The following AKAP6 variants were observed in gnomAD, a reference collection of about 807,000 sequenced individuals.
AKAP6 encodes A-kinase anchor protein 6.
Under a neutral mutation model 188.5 loss-of-function variants are expected in AKAP6, and 58 were observed. The ratio of observed to expected loss-of-function variants is 0.31; its 90% CI spans 0.25 to 0.38. The LOEUF (loss-of-function observed/expected upper bound fraction) is 0.38, where lower values mean the gene tolerates loss of function less well. Ranked by LOEUF, AKAP6 falls within the 10% of genes least tolerant of loss-of-function variation. AKAP6 has a pLI of 1.00. For synonymous variants in AKAP6, 989 were observed against 998.6 expected, an observed-to-expected ratio of 0.99 and a Z score of 0.18; for missense variants, 2,710 against 2,740.0, an observed-to-expected ratio of 0.99 and a Z score of 0.24.
intron 2 of AKAP6, among the ~76,000 whole-genome samples, chr14:32,461,518 GCAA>G (rs754819099): frequency 6.6e-6 from 1 of 151,998 alleles, no homozygotes; most frequent in Non-Finnish European, 1.5e-5. Flanking sequence ...CAAACAGAAA[GCAA>G]CAACAACATC....
At chr14:32,468,594 G>C (rs1464657329) in intron 2 of AKAP6, among the ~76,000 whole-genome samples, 2 of 152,126 alleles carry the variant, frequency 1.3e-5, no homozygotes, top group African/African-American at 4.8e-5. Flanking sequence ...CAAAGAGCCT[G>C]GCAATTTACA....
intron 1 of AKAP6, among the ~76,000 whole-genome samples, chr14:32,354,652 A>T (rs1410869278): frequency 6.6e-6 from 1 of 152,044 alleles, no homozygotes; most frequent in East Asian, 1.9e-4. Context: ...TTGATCTTGC[A>T]TTCCTTTCTT....
chr14:32,364,939 A>G (rs1031841426), intron 1 of AKAP6, among the ~76,000 whole-genome samples: 1 of 152,178 alleles, frequency 6.6e-6, no homozygotes. Flanking sequence ...ATTATAGTTA[A>G]TAATAGAATC....
intron 1 of AKAP6, among the ~76,000 whole-genome samples, chr14:32,350,121 A>C (rs918489665): frequency 2.0e-5 from 3 of 152,162 alleles, no homozygotes; most frequent in Non-Finnish European, 4.4e-5. Flanking sequence ...AGTTTAAGCC[A>C]CTCCTGAGGG....
rs141068708 is a variant in AKAP6, at chr14:32,779,078, A to G, written c.3588+5185A>G. ...GATCGGATTAGGTTTATAAAGCTCT[A>G]CTGAGTTACATGTTGCCTATGAGAA... On this transcript the variant is annotated intron_variant, in intron 12 of 13. Transcript: ENST00000280979. Among the ~76,000 whole-genome samples the G allele has an allele frequency of 5.5e-4, 84 of 152,112 alleles. No individual in the cohort carries two copies. In the East Asian group the frequency reaches 0.013, roughly 24 times the overall value.
At chr14:32,370,486 A>C (rs1481427720) in intron 1 of AKAP6, among the ~76,000 whole-genome samples, 2 of 152,238 alleles carry the variant, frequency 1.3e-5, no homozygotes, top group Non-Finnish European at 2.9e-5. Context: ...ATTCCCTACA[A>C]ACCAGAACTG....
chr14:32,420,086 C>T (rs534067924), intron 1 of AKAP6, among the ~76,000 whole-genome samples: 68 of 152,146 alleles, frequency 4.5e-4, no homozygotes, highest in Admixed American at 2.1e-3. Flanking sequence ...TTTATGTTTG[C>T]ATACAAATAG....
intron 1 of AKAP6, among the ~76,000 whole-genome samples, chr14:32,394,388 A>C (rs989299882): frequency 3.3e-5 from 5 of 152,196 alleles, no homozygotes; most frequent in Admixed American, 6.6e-5. Flanking sequence ...TAGGGAGATA[A>C]AGGTCCAAAA....
chr14:32,558,981 A>G (rs74041634), intron 4 of AKAP6, among the ~76,000 whole-genome samples: 10,973 of 152,266 alleles, frequency 0.072, 527 homozygotes, highest in African/African-American at 0.13. Flanking sequence ...TGTCTCGTAA[A>G]CTAACTACTA....
intron 7 of AKAP6, among the ~76,000 whole-genome samples, chr14:32,668,709 C>G (rs951352351): frequency 6.6e-6 from 1 of 151,898 alleles, no homozygotes; most frequent in African/African-American, 2.4e-5. Flanking sequence ...CCTTGAGAAC[C>G]TAAGGCTAGG....
intron 12 of AKAP6, among the ~76,000 whole-genome samples, chr14:32,816,331 A>C (rs563249042): frequency 6.6e-6 from 1 of 152,156 alleles, no homozygotes; most frequent in Admixed American, 6.5e-5. Context: ...TAGCTAGGAC[A>C]ACAGGCACAT....
chr14:32,477,477 A>C (rs1336473179), intron 2 of AKAP6, among the ~76,000 whole-genome samples: 1 of 152,090 alleles, frequency 6.6e-6, no homozygotes, highest in Non-Finnish European at 1.5e-5. Flanking sequence ...TGAAGAGGAA[A>C]GCTGAGATTG....
At position 32,510,423 on chromosome 14, in the gene AKAP6, TAC is replaced by T. The variant is rs1291200898; in HGVS notation, c.325-25129_325-25128del. Among the ~76,000 whole-genome samples, 76 of 94,250 alleles carry T rather than the reference TAC, an allele frequency of 8.1e-4. 1 individual carries two copies. The highest frequency in any genetic ancestry group is 4.8e-3 in the East Asian group (21 of 4,414). 61.8% of individuals were successfully genotyped at this position (94,250 alleles called of 152,430 possible). On this transcript the variant is annotated intron_variant, in intron 2 of 13. Coordinates refer to ENST00000280979, the MANE Select transcript of AKAP6 (RefSeq NM_004274.5). Reference sequence around the variant, plus strand: ...ATATATGTATATATATGTATATATATACATATATATATGTGTATATATATATA... The same window carrying T: ...ATATATGTATATATATGTATATATATATATATATATGTGTATATATATATA...
intron 7 of AKAP6, among the ~76,000 whole-genome samples, chr14:32,660,935 T>TCCCCCCCCCCCCCCCCCCCC (rs1217161230): frequency 2.6e-5 from 1 of 38,994 alleles, no homozygotes; most frequent in Non-Finnish European, 4.5e-5. Flanking sequence ...CCCCCCCCCC[T>TCCCCCCCCCCCCCCCCCCCC]CCCAATTCCA....
intron 2 of AKAP6, among the ~76,000 whole-genome samples, chr14:32,437,449 G>T (rs957492803): frequency 3.9e-5 from 6 of 152,154 alleles, no homozygotes; most frequent in African/African-American, 1.4e-4. Context: ...AAAAAACGTA[G>T]TTGGAAAATG....
chr14:32,483,003 A>ATGTGTGTGTGTGTG (rs1415706046), intron 2 of AKAP6, among the ~76,000 whole-genome samples: 153 of 77,888 alleles, frequency 2.0e-3, no homozygotes, highest in Middle Eastern at 0.01. Context: ...ATATATATAT[A>ATGTGTGTGTGTGTG]TATATATATG....
At chr14:32,353,086 T>C (rs185943636) in intron 1 of AKAP6, among the ~76,000 whole-genome samples, 132 of 152,256 alleles carry the variant, frequency 8.7e-4, no homozygotes, top group African/African-American at 3.0e-3. Context: ...ATAGCCATTC[T>C]AGTTGGGGTG....
intron 7 of AKAP6, among the ~76,000 whole-genome samples, chr14:32,627,669 A>G (rs1264583104): frequency 6.6e-6 from 1 of 152,064 alleles, no homozygotes; most frequent in Non-Finnish European, 1.5e-5. Context: ...GGAAAGGAAA[A>G]CAGGAAATTA....
intron 11 of AKAP6, among the ~76,000 whole-genome samples, chr14:32,755,540 A>AAT (rs2032299089): frequency 1.4e-5 from 2 of 147,952 alleles, no homozygotes; most frequent in East Asian, 3.9e-4. Flanking sequence ...ATTATTATTA[A>AAT]TTTTTGAGAC....
Sources: gnomAD v4.1 joint callset for allele counts (sites outside exome capture counted in the v4.1 genomes callset) on GRCh38, gnomAD v4.1.1 for gene constraint, MANE v1.5 for transcripts, NCBI Gene and HGNC (gene_info 2026-07-23, HGNC 2026-07-21) for gene names.